CCNY: variants seen among roughly 807,000 people sequenced by gnomAD.
CCNY encodes cyclin-Y.
CCNY carries 19 observed loss-of-function variants against 42.8 expected under a neutral mutation model. The observed-to-expected ratio is 0.44, with a 90% CI of 0.31 to 0.65. CCNY has a LOEUF of 0.65. Ranked by LOEUF, CCNY falls within the 30% of genes least tolerant of loss-of-function variation. The pLI is 0.07. For synonymous variants in CCNY, 165 were observed against 162.7 expected, an observed-to-expected ratio of 1.01 and a Z score of -0.11; for missense variants, 370 against 437.3, an observed-to-expected ratio of 0.85 and a Z score of 1.37.
intron 3 of CCNY, among the ~76,000 whole-genome samples, chr10:35,318,399 C>T (rs567884338): frequency 6.6e-6 from 1 of 152,070 alleles, no homozygotes; most frequent in Admixed American, 6.6e-5. Context: ...TAATTTAGTC[C>T]CCTATCTAGT....
At chr10:35,489,558 G>A (rs1429255310) in intron 2 of CCNY, among the ~76,000 whole-genome samples, 1 of 152,062 alleles carries the variant, frequency 6.6e-6, no homozygotes, top group Non-Finnish European at 1.5e-5. Context: ...ACCCAGCCAA[G>A]CCTTTGTTTT....
At chr10:35,490,488 C>G (rs1839874112) in intron 2 of CCNY, among the ~76,000 whole-genome samples, 1 of 152,220 alleles carries the variant, frequency 6.6e-6, no homozygotes, top group Admixed American at 6.5e-5. Flanking sequence ...CACACCTAGG[C>G]AGCAGTCTGC....
rs74492738 is a variant in CCNY at position 35,495,664 on chromosome 10, A to C, written c.230-5837A>C. Among the ~76,000 whole-genome samples, 27 of 152,338 alleles carry C rather than the reference A, an allele frequency of 1.8e-4. No homozygotes were observed. In the East Asian group the frequency reaches 3.1e-3, roughly 17 times the overall value. ...ACAGTTCAGAGCAGGCCAGAGGTCTAATTGGAAGCTCCCTTCCTGCAGCAC... is the reference window on the plus strand; with the variant it reads ...ACAGTTCAGAGCAGGCCAGAGGTCTCATTGGAAGCTCCCTTCCTGCAGCAC... On this transcript the variant is annotated intron_variant, in intron 2 of 9. Coordinates refer to ENST00000374704, the MANE Select transcript of CCNY (RefSeq NM_145012.6).
intron 3 of CCNY, among the ~76,000 whole-genome samples, chr10:35,277,010 G>T (rs1835246996): frequency 6.6e-6 from 1 of 152,168 alleles, no homozygotes; most frequent in African/African-American, 2.4e-5. Flanking sequence ...ATGTTCAGCT[G>T]CTCTGGATCC....
chr10:35,465,315 C>G (rs905685646), intron 1 of CCNY, among the ~76,000 whole-genome samples: 1 of 152,142 alleles, frequency 6.6e-6, no homozygotes, highest in Non-Finnish European at 1.5e-5. Flanking sequence ...GTCCGAGCAC[C>G]GATAGTTTTA....
At chr10:35,289,264 C>T (rs1835385923) in intron 3 of CCNY, 1 of 152,112 alleles carries the variant, frequency 6.6e-6, no homozygotes. Flanking sequence ...GTTAATATCA[C>T]TCATTGATTA....
At chr10:35,405,754 C>T (rs1032274108) in intron 1 of CCNY, among the ~76,000 whole-genome samples, 12 of 152,126 alleles carry the variant, frequency 7.9e-5, no homozygotes, top group Admixed American at 3.3e-4. Flanking sequence ...AGGGGGCTTC[C>T]GAGGCTATTG....
At chr10:35,337,270 G>A in intron 1 of CCNY, 63 bp downstream of exon 1, 1 of 1,373,456 alleles carries the variant, frequency 7.3e-7, no homozygotes, top group Non-Finnish European at 9.5e-7. Flanking sequence ...GCCAACGTCG[G>A]GGCGGCCCGG....
chr10:35,260,389 T>C (rs575284152), intron 3 of CCNY, among the ~76,000 whole-genome samples: 10 of 152,272 alleles, frequency 6.6e-5, no homozygotes, highest in Admixed American at 2.0e-4. Context: ...AGGGGCCGAC[T>C]GGGCTGACAC....
intron 1 of CCNY, among the ~76,000 whole-genome samples, chr10:35,461,555 A>T (rs1342883236): frequency 6.6e-6 from 1 of 152,100 alleles, no homozygotes; most frequent in Non-Finnish European, 1.5e-5. Context: ...AGTGGAGTTT[A>T]TAAGGAAGTG....
chr10:35,312,747 C>CTTT (rs10688043), intron 3 of CCNY, among the ~76,000 whole-genome samples: 1,209 of 112,118 alleles, frequency 0.011, 30 homozygotes, highest in East Asian at 0.053. Context: ...TTCCTTTTTA[C>CTTT]TTTTTTTTTT....
intron 1 of CCNY, among the ~76,000 whole-genome samples, chr10:35,436,010 A>G (rs555342449): frequency 6.6e-6 from 1 of 152,210 alleles, no homozygotes; most frequent in East Asian, 1.9e-4. Context: ...GTTATGAAAG[A>G]GGGATGAAAT....
At chr10:35,428,049 A>G (rs1208067494) in intron 1 of CCNY, among the ~76,000 whole-genome samples, 2 of 152,212 alleles carry the variant, frequency 1.3e-5, no homozygotes, top group Non-Finnish European at 2.9e-5. Context: ...TCCTATACAT[A>G]TGTATGTACA....
Position 35,337,220 on chromosome 10 carries a change from CG to C in CCNY, c.154+14del. 6.6e-7 allele frequency: 1 copy of C among 1,511,300 alleles called. No individual in the cohort carries two copies. The highest frequency in any genetic ancestry group is 1.2e-5 in the South Asian group (1 of 81,180). 93.6% of individuals were successfully genotyped at this position (1,511,300 alleles called of 1,614,324 possible). The stretch of plus-strand genomic sequence containing the variant: ...GAGAACATAGACGGTGAGTGCGGCC[CG>C]CCGAGCCCCCTACCCGCCCCCGCGG... On this transcript the variant is annotated intron_variant, in intron 1 of 9. Transcript: ENST00000374704.
chr10:35,326,779 C>T lies in CCNY; in HGVS notation c.-9+76153C>T, dbSNP rs117661856. ...TGGTGCATACCGGTAGTCCCAGATA[C>T]TAGAGAGGCTTAGGTGGGAGGATCG... On this transcript the variant is annotated intron_variant, in intron 3 of 11. Coordinates refer to the CCNY transcript ENST00000374706. Among the ~76,000 whole-genome samples the T allele has an allele frequency of 3.5e-4, 53 of 152,228 alleles. 1 individual carries two copies. The East Asian group carries it at 9.3e-3, about 27-fold the overall frequency.
At chr10:35,276,250 G>A (rs1001965489) in intron 3 of CCNY, among the ~76,000 whole-genome samples, 5 of 152,116 alleles carry the variant, frequency 3.3e-5, no homozygotes, top group South Asian at 4.2e-4. Flanking sequence ...ACTCCTCCTC[G>A]CTGCCATTTT....
chr10:35,286,517 C>T (rs1304483999), intron 3 of CCNY, among the ~76,000 whole-genome samples: 2 of 152,042 alleles, frequency 1.3e-5, no homozygotes, highest in African/African-American at 4.8e-5. Flanking sequence ...CTCCACCGTG[C>T]CCAGCTAATC....
intron 1 of CCNY, among the ~76,000 whole-genome samples, chr10:35,406,201 T>TTTATTTA (rs1554785132): frequency 8.0e-6 from 1 of 124,394 alleles, no homozygotes; most frequent in African/African-American, 3.2e-5. Flanking sequence ...TTCTTTTTTA[T>TTTATTTA]TTTATTTATT....
At chr10:35,255,842 A>T (rs1565053724) in intron 3 of CCNY, among the ~76,000 whole-genome samples, 1 of 152,036 alleles carries the variant, frequency 6.6e-6, no homozygotes, top group Non-Finnish European at 1.5e-5. Flanking sequence ...CGATTTGACC[A>T]CCTCAGCCTC....
Sources: allele counts gnomAD v4.1 joint callset (sites outside exome capture counted in the v4.1 genomes callset), GRCh38; gene constraint gnomAD v4.1.1; transcripts MANE v1.5; gene names NCBI Gene and HGNC (gene_info 2026-07-23, HGNC 2026-07-21).